Variants in POLRMT observed in about 807,000 individuals in gnomAD.
The protein encoded by POLRMT is DNA-directed RNA polymerase, mitochondrial.
A neutral mutation model predicts 132.2 loss-of-function variants in POLRMT; 114 were observed. The observed-to-expected ratio is 0.86, with a 90% confidence interval of 0.74 to 1.01. The LOEUF (loss-of-function observed/expected upper bound fraction) is 1.01, where lower values mean the gene tolerates loss of function less well. Among genes scored for constraint, POLRMT ranks in the 50% least tolerant of loss-of-function variants. The pLI, the probability that POLRMT is intolerant of heterozygous loss-of-function variation, is 0.00. For synonymous variants in POLRMT, 1,020 were observed against 773.4 expected, an observed-to-expected ratio of 1.32 and a Z score of -5.29; for missense variants, 2,003 against 1,729.1, an observed-to-expected ratio of 1.16 and a Z score of -2.81.
At chr19:632,146 A>G (rs1985464408) in intron 2 of POLRMT, among the ~76,000 whole-genome samples, 1 of 151,042 alleles carries the variant, frequency 6.6e-6, no homozygotes, top group Admixed American at 6.6e-5. Context: ...GAGCCACCGC[A>G]CCAGGCCTCG....
intron 17 of POLRMT, 75 bp from the exon 18 acceptor site, chr19:617,924 G>C (rs41563414): frequency 0.045 from 62,879 of 1,401,428 alleles, 2,978 homozygotes; most frequent in South Asian, 0.21. Flanking sequence ...CTGGCCCTGC[G>C]CTCAGCCCCC....
intron 2 of POLRMT, among the ~76,000 whole-genome samples, chr19:631,470 C>A (rs1314199481): frequency 1.3e-5 from 2 of 151,252 alleles, no homozygotes; most frequent in African/African-American, 4.9e-5. Context: ...AAACCCCGTC[C>A]CTACTAAAAA....
chr19:619,972 C>A lies in POLRMT; in HGVS notation c.2872G>T (p.Gly958Cys). Residue 958 changes from glycine to cysteine, a missense_variant, in exon 12 of 21, where the codon GGC becomes TGC. Physicochemically the swap from Gly to Cys is radical, Grantham distance 159 (BLOSUM62 -3). Coordinates refer to ENST00000588649, the MANE Select transcript of POLRMT (RefSeq NM_005035.4). ...PSDVPQDVYSGVAAQVEVFRR... is the reference protein window; with the variant it reads ...PSDVPQDVYSCVAAQVEVFRR... Reference sequence around the variant, plus strand: ...GCACACCCTACCTGCGCGGCCACGCCGCTGTACACGTCCTGCGGCACATCC... The same window carrying A: ...GCACACCCTACCTGCGCGGCCACGCAGCTGTACACGTCCTGCGGCACATCC... The A allele has an allele frequency of 1.2e-6, 2 of 1,600,456 alleles. No individual in the cohort carries two copies. Among genetic ancestry groups the A allele is most frequent in the Non-Finnish European group, 8.5e-7 (1 of 1,177,360 alleles).
intron 5 of POLRMT, 23 bp from the exon 6 acceptor site, chr19:623,626 G>A (rs1172482041): frequency 4.4e-6 from 7 of 1,608,976 alleles, no homozygotes; most frequent in Non-Finnish European, 5.1e-6. Flanking sequence ...GGGTAGTGAG[G>A]TTGGGGGCTT....
In POLRMT at chr19:618,749, A is replaced by C. The variant is rs774962877; in HGVS notation, c.3279T>G (p.Gly1093=). The C allele has an allele frequency of 6.2e-7, 1 of 1,601,846 alleles. No homozygotes were observed. The highest frequency in any genetic ancestry group is 1.3e-5 in the African/African-American group (1 of 74,418). ...GGGTGTAGGTGATGCTCTGAATTCCACCTCCTATTTGCTAAAAAGGGGAAG... is the reference window on the plus strand; with the variant it reads ...GGGTGTAGGTGATGCTCTGAATTCCCCCTCCTATTTGCTAAAAAGGGGAAG... ...RLDSKVKQIG[G]GIQSITYTHN... is the part of the protein sequence containing the mutation. Residue 1093 remains glycine (G), a synonymous_variant, in exon 16 of 21, where the codon GGT becomes GGG. Transcript: ENST00000588649.
At chr19:622,020 G>T in intron 9 of POLRMT, 129 bp downstream of exon 9, 2 of 1,149,652 alleles carry the variant, frequency 1.7e-6, no homozygotes, top group Non-Finnish European at 2.4e-6. Flanking sequence ...CACCCATGGT[G>T]TGTCCCGAGT....
chr19:623,694 G>C, intron 5 of POLRMT, 91 bp from the exon 6 acceptor site: 2 of 1,455,046 alleles, frequency 1.4e-6, no homozygotes, highest in Non-Finnish European at 1.9e-6. Context: ...ACGCGTTTCT[G>C]CGTCTCCTGC....
chr19:625,157 C>A lies in POLRMT; in HGVS notation c.920G>T (p.Gly307Val), dbSNP rs145768937. 2 of 1,613,870 alleles carry A rather than the reference C, an allele frequency of 1.2e-6. No homozygotes were observed. The highest frequency in any genetic ancestry group is 1.7e-6 in the Non-Finnish European group (2 of 1,179,964). ...LSYAAALQCM[G>V]RQDQDAGTIE... Reference sequence around the variant, plus strand: ...GGTCCCGGCGTCCTGGTCCTGCCTCCCCATGCACTGGAGGGCAGCCGCATA... The same window carrying A: ...GGTCCCGGCGTCCTGGTCCTGCCTCACCATGCACTGGAGGGCAGCCGCATA... The change falls in exon 4 of 21, where the codon GGG becomes GTG. Residue 307 changes from glycine to valine, a missense_variant. Coordinates refer to ENST00000588649, the MANE Select transcript of POLRMT (RefSeq NM_005035.4).
chr19:619,752 C>A lies in POLRMT; in HGVS notation c.2900G>T (p.Arg967Leu). 1.3e-6 allele frequency: 2 copies of A among 1,582,148 alleles called. No homozygotes were observed. Among genetic ancestry groups the A allele is most frequent in the Non-Finnish European group, 1.7e-6 (2 of 1,163,720 alleles). Residue 967 changes from arginine (R) to leucine (L), a missense_variant, in exon 13 of 21, where the codon CGT (arginine) becomes CTT (leucine). Transcript: ENST00000588649. ...CATGCCCCGCTGGGCGTCCTGCCTA[C>A]GGAACACCTCCACCTGCACGGCGGG... ...SGVAAQVEVF[R>L]RQDAQRGMRV...
chr19:619,854 A>T, intron 12 of POLRMT, 89 bp from the exon 13 acceptor site: 3 of 1,565,088 alleles, frequency 1.9e-6, no homozygotes, highest in Non-Finnish European at 2.6e-6. Flanking sequence ...CCCCAGCCCC[A>T]CCACATCCTC....
At chr19:630,869 T>C (rs1203369354) in intron 2 of POLRMT, among the ~76,000 whole-genome samples, 1 of 152,200 alleles carries the variant, frequency 6.6e-6, no homozygotes, top group Non-Finnish European at 1.5e-5. Flanking sequence ...GTTGGAAATC[T>C]ATTGCTGGCC....
At chr19:627,650 C>T (rs893930382) in intron 3 of POLRMT, among the ~76,000 whole-genome samples, 1 of 151,796 alleles carries the variant, frequency 6.6e-6, no homozygotes, top group Non-Finnish European at 1.5e-5. Context: ...CGTGGCCGGG[C>T]GCGGTCGCTC....
Position 633,412 on chromosome 19 carries a change from C to T in POLRMT, c.88+13G>A, listed in dbSNP as rs113781054. 35,569 of 1,532,252 alleles carry T rather than the reference C, an allele frequency of 0.023. 2,125 individuals carry two copies. The highest frequency in any genetic ancestry group is 0.17 in the African/African-American group (11,780 of 69,402). 94.9% of individuals were successfully genotyped at this position (1,532,252 alleles called of 1,614,324 possible). On this transcript the variant is annotated intron_variant, in intron 1 of 20. Transcript: ENST00000588649. ...TGGCCCCCGGGCTGCCTGGCCGTCT[C>T]CCTTTGTGTTACCTTCTTTGCCGGG...
intron 10 of POLRMT, among the ~76,000 whole-genome samples, 168 bp downstream of exon 10, chr19:620,887 GCGC>G (rs1984488942): frequency 2.0e-5 from 1 of 49,664 alleles, no homozygotes; most frequent in South Asian, 1.1e-3. Flanking sequence ...GGACGTGGGG[GCGC>G]CAGGGGAGGG....
intron 6 of POLRMT, 121 bp downstream of exon 6, chr19:623,333 G>A (rs1262888737): frequency 2.0e-6 from 3 of 1,470,008 alleles, no homozygotes; most frequent in East Asian, 2.4e-5. Context: ...CCCCTGCGGC[G>A]GACACGCGAC....
intron 15 of POLRMT, 86 bp from the exon 16 acceptor site, chr19:618,846 C>A: frequency 6.8e-7 from 1 of 1,469,886 alleles, no homozygotes; most frequent in South Asian, 1.2e-5. Flanking sequence ...GGGGTAGTGG[C>A]ACGCTAGGAT....
chr19:618,920 GCTGGGGCACTGGTACA>G, intron 15 of POLRMT, 61 bp downstream of exon 15: 1 of 1,371,444 alleles, frequency 7.3e-7, no homozygotes, highest in African/African-American at 1.4e-5. Flanking sequence ...GTGGTGGTAC[GCTGGGGCACTGGTACA>G]CTGGGACGCT....
chr19:630,269 G>A (rs1024008738), intron 2 of POLRMT, 101 bp from the exon 3 acceptor site: 42 of 1,383,896 alleles, frequency 3.0e-5, no homozygotes, highest in African/African-American at 2.8e-4. Flanking sequence ...AGGTGGCTGA[G>A]CTCGCTGGGA....
intron 2 of POLRMT, among the ~76,000 whole-genome samples, chr19:631,421 C>T (rs1180384443): frequency 6.6e-6 from 1 of 151,290 alleles, no homozygotes; most frequent in South Asian, 2.1e-4. Context: ...AGGCGGATCA[C>T]GAGGTCAGGA....
Sources: gnomAD v4.1 joint callset for allele counts (sites outside exome capture counted in the v4.1 genomes callset) on GRCh38, gnomAD v4.1.1 for gene constraint, MANE v1.5 for transcripts, NCBI Gene and HGNC (gene_info 2026-07-23, HGNC 2026-07-21) for gene names.